MTRF1: variants seen among roughly 807,000 people sequenced by gnomAD.
MTRF1 encodes the protein mitochondrial translation release factor 1, also known as peptide chain release factor 1, mitochondrial.
MTRF1 carries 51 observed loss-of-function variants against 62.9 expected under a neutral mutation model. The ratio of observed to expected loss-of-function variants is 0.81; its 90% CI spans 0.65 to 1.02. The LOEUF (loss-of-function observed/expected upper bound fraction) is 1.02. Ranked by LOEUF, MTRF1 falls within the 50% of genes least tolerant of loss-of-function variation. MTRF1 has a pLI of 0.00. For synonymous variants in MTRF1, 158 were observed against 181.9 expected, an observed-to-expected ratio of 0.87 and a Z score of 1.06; for missense variants, 446 against 530.0, an observed-to-expected ratio of 0.84 and a Z score of 1.56.
intron 3 of MTRF1, 96 bp downstream of exon 3, chr13:41,254,433 T>C (rs1376250396): frequency 5.4e-6 from 4 of 736,970 alleles, no homozygotes; most frequent in East Asian, 5.6e-5. Flanking sequence ...CTTAAAACAG[T>C]GTTTGGAAAC....
At chr13:41,263,357 G>A (rs2040689827) in intron 1 of MTRF1, 128 bp downstream of exon 1, 3 of 1,255,336 alleles carry the variant, frequency 2.4e-6, no homozygotes, top group Non-Finnish European at 3.1e-6. Flanking sequence ...AGTGTAGGCA[G>A]GTCAGAAGCG....
At chr13:41,261,008 A>G in intron 1 of MTRF1, 93 bp from the exon 2 acceptor site, 6 of 1,185,528 alleles carry the variant, frequency 5.1e-6, no homozygotes, top group Non-Finnish European at 6.9e-6. Flanking sequence ...ATCTTGTTTC[A>G]TCTACTGCCT....
At chr13:41,269,041 C>A in the MTRF1 span, among the ~76,000 whole-genome samples, 1 of 147,514 alleles carries the variant, frequency 6.8e-6, no homozygotes, top group Non-Finnish European at 1.5e-5. Flanking sequence ...TAAAACCAGT[C>A]ATTTTAGTCT....
At chr13:41,219,290 CAA>C (rs55810411) in intron 9 of MTRF1, among the ~76,000 whole-genome samples, 73,121 of 131,714 alleles carry the variant, frequency 0.56, 18,737 homozygotes, top group Admixed American at 0.62. Flanking sequence ...GACTCTGTCT[CAA>C]AAAAAAAAAA....
At chr13:41,287,575 T>G in the MTRF1 span, among the ~76,000 whole-genome samples, 1 of 152,230 alleles carries the variant, frequency 6.6e-6, no homozygotes, top group African/African-American at 2.4e-5. Context: ...TCAACTTTTA[T>G]CTATAGAACA....
the MTRF1 span, among the ~76,000 whole-genome samples, chr13:41,277,397 G>T: frequency 6.6e-6 from 1 of 152,148 alleles, no homozygotes; most frequent in Admixed American, 6.6e-5. Context: ...CTCCAAAAGT[G>T]CTGGGATTAC....
chr13:41,252,698 G>A lies in MTRF1; in HGVS notation c.644C>T (p.Ser215Leu), dbSNP rs1467465502. The A allele has an allele frequency of 3.7e-6, 6 of 1,613,568 alleles. No individual in the cohort carries two copies. Among genetic ancestry groups the A allele is most frequent in the South Asian group, 2.2e-5 (2 of 91,064 alleles). The change falls in exon 5 of 10, where the codon TCG becomes TTG. Residue 215 changes from serine to leucine, a missense_variant. Transcript: ENST00000379480. ...TTCAAATTGCCAGTGTTTATAGCAC[G>A]AATAATTCTGGTACATGTCAAATAT... is the stretch of plus-strand genomic sequence containing the variant. ...REIFDMYQNY[S>L]CYKHWQFELL... is the part of the protein sequence containing the mutation.
chr13:41,285,870 C>G, the MTRF1 span, among the ~76,000 whole-genome samples: 1 of 151,944 alleles, frequency 6.6e-6, no homozygotes, highest in Non-Finnish European at 1.5e-5. Context: ...TTGAGAACAG[C>G]CTGGCCAACA....
At chr13:41,275,034 T>C in the MTRF1 span, among the ~76,000 whole-genome samples, 1,934 of 152,300 alleles carry the variant, frequency 0.013, 26 homozygotes, top group Middle Eastern at 0.037. Context: ...TCTTGATTAC[T>C]GAAAATGTCA....
intron 9 of MTRF1, among the ~76,000 whole-genome samples, chr13:41,221,572 G>C (rs1187726515): frequency 1.3e-5 from 2 of 152,080 alleles, no homozygotes; most frequent in Non-Finnish European, 2.9e-5. Flanking sequence ...ACTATGGAAT[G>C]TCTTCTTCCA....
At chr13:41,299,668 C>A in the MTRF1 span, among the ~76,000 whole-genome samples, 1 of 151,978 alleles carries the variant, frequency 6.6e-6, no homozygotes, top group African/African-American at 2.4e-5. Flanking sequence ...GAATTTCGAT[C>A]ACTCAAGAAG....
rs371054321 is a variant in MTRF1, at chr13:41,260,927, T to G, written c.-8-12A>C. The G allele has an allele frequency of 1.3e-6, 2 of 1,526,474 alleles. No homozygotes were observed. Among genetic ancestry groups the G allele is most frequent in the African/African-American group, 1.7e-5 (1 of 59,616 alleles). 94.6% of individuals were successfully genotyped at this position (1,526,474 alleles called of 1,614,324 possible). A position where few individuals can be genotyped will look rare whatever the true frequency, so the allele number is the denominator to read the frequency against. On this transcript the variant is annotated splice_polypyrimidine_tract_variant and intron_variant, in intron 1 of 9. Transcript: ENST00000379480. Reference sequence around the variant, plus strand: ...ATTCATCTCAGCATCTGAAATACAATAAACACAGTCTTTAAAAAAAAATCA... The same window carrying G: ...ATTCATCTCAGCATCTGAAATACAAGAAACACAGTCTTTAAAAAAAAATCA...
In MTRF1 at chr13:41,233,952, C is replaced by G; in HGVS notation, c.926G>C (p.Gly309Ala). 1 of 1,614,160 alleles carries G rather than the reference C, an allele frequency of 6.2e-7. No homozygotes were observed. Among genetic ancestry groups the G allele is most frequent in the South Asian group, 1.1e-5 (1 of 91,078 alleles). The change falls in exon 7 of 10, where the codon GGA (glycine) becomes GCA (alanine). Residue 309 changes from glycine (G) to alanine (A), a missense_variant. By Grantham distance (60) the Gly-to-Ala change is moderately conservative. Coordinates refer to ENST00000379480, the MANE Select transcript of MTRF1 (RefSeq NM_004294.4). ...TTTATTAACATGCTGCCCTCCTGCT[C>G]CTTTGGCTCGAAATGTATCTATTCG... ...DLRIDTFRAK[G>A]AGGQHVNKTD...
the MTRF1 span, among the ~76,000 whole-genome samples, chr13:41,292,759 GAAAATAAAAATA>G: frequency 3.0e-4 from 46 of 151,802 alleles, no homozygotes; most frequent in African/African-American, 1.1e-3. Flanking sequence ...TCATCTCAAT[GAAAATAAAAATA>G]AAAATAAAAA....
At chr13:41,267,367 G>A (rs1263480478), upstream of MTRF1, among the ~76,000 whole-genome samples, 2 of 152,094 alleles carry the variant, frequency 1.3e-5, no homozygotes, top group African/African-American at 4.8e-5. Flanking sequence ...CTGTGGTTAT[G>A]TGTACTTTGC....
At chr13:41,274,349 G>A in the MTRF1 span, among the ~76,000 whole-genome samples, 4 of 152,134 alleles carry the variant, frequency 2.6e-5, no homozygotes, top group African/African-American at 9.7e-5. Context: ...CTTATTTCCT[G>A]AAAACACACT....
At chr13:41,225,473 A>G (rs1483894412) in intron 8 of MTRF1, among the ~76,000 whole-genome samples, 1 of 152,188 alleles carries the variant, frequency 6.6e-6, no homozygotes, top group Non-Finnish European at 1.5e-5. Flanking sequence ...TACCACTAAT[A>G]GTGTTAATAT....
At chr13:41,291,826 C>T in the MTRF1 span, among the ~76,000 whole-genome samples, 1 of 152,166 alleles carries the variant, frequency 6.6e-6, no homozygotes, top group Non-Finnish European at 1.5e-5. Flanking sequence ...TTACTGCAAG[C>T]ATTCCTGGAC....
chr13:41,265,839 G>T (rs1566203870), upstream of MTRF1, among the ~76,000 whole-genome samples: 1 of 152,040 alleles, frequency 6.6e-6, no homozygotes, highest in East Asian at 1.9e-4. Flanking sequence ...CCAGCTGGTG[G>T]TTTTTTGTTT....
Sources: gnomAD v4.1 joint callset for allele counts (sites outside exome capture counted in the v4.1 genomes callset) on GRCh38, gnomAD v4.1.1 for gene constraint, MANE v1.5 for transcripts, NCBI Gene and HGNC (gene_info 2026-07-23, HGNC 2026-07-21) for gene names.